TTC17: variants seen among roughly 807,000 people sequenced by gnomAD.
TTC17 encodes tetratricopeptide repeat protein 17.
TTC17 carries 58 observed loss-of-function variants against 143.8 expected under a neutral mutation model. The observed-to-expected ratio is 0.40, with a 90% CI of 0.33 to 0.50. The LOEUF is 0.50. TTC17 is among the 20% of genes least tolerant of loss of function. The pLI is 0.49. For missense variants in TTC17, 1,273 were observed against 1,392.5 expected (o/e 0.91, Z 1.37); for synonymous variants, 501 against 497.8 (o/e 1.01, Z -0.09).
intron 16 of TTC17, among the ~76,000 whole-genome samples, chr11:43,415,487 C>T (rs1251587244): frequency 1.3e-5 from 2 of 152,152 alleles, no homozygotes; most frequent in South Asian, 2.1e-4. Flanking sequence ...AGTTTACATA[C>T]GTGTGGATCC....
intron 17 of TTC17, 21 bp from the exon 18 acceptor site, chr11:43,444,035 T>G: frequency 6.3e-7 from 1 of 1,589,640 alleles, no homozygotes; most frequent in Non-Finnish European, 8.5e-7. Context: ...CATTTGTCCC[T>G]AACATGTTTC....
At chr11:43,469,129 A>T (rs1438581990) in intron 21 of TTC17, among the ~76,000 whole-genome samples, 3 of 152,220 alleles carry the variant, frequency 2.0e-5, no homozygotes, top group Non-Finnish European at 4.4e-5. Flanking sequence ...TACCCAGTGT[A>T]TTAGTCATCT....
At chr11:43,455,485 A>C (rs1004120064) in intron 21 of TTC17, among the ~76,000 whole-genome samples, 7 of 152,088 alleles carry the variant, frequency 4.6e-5, no homozygotes, top group African/African-American at 1.7e-4. Context: ...GGAAAAGGAG[A>C]TTGCCAAAAT....
chr11:43,448,753 T>A (rs1947600311), intron 19 of TTC17: 1 of 152,214 alleles, frequency 6.6e-6, no homozygotes, highest in Non-Finnish European at 1.5e-5. Flanking sequence ...GACCTGTCTG[T>A]CTAGATTGCA....
chr11:43,399,326 A>AT (rs1285845554), intron 8 of TTC17, among the ~76,000 whole-genome samples: 4 of 152,126 alleles, frequency 2.6e-5, no homozygotes, highest in East Asian at 3.8e-4. Flanking sequence ...ATCGTCATGT[A>AT]TTTTTTTATG....
At chr11:43,481,280 C>T (rs968573865) in intron 21 of TTC17, among the ~76,000 whole-genome samples, 1 of 152,114 alleles carries the variant, frequency 6.6e-6, no homozygotes, top group African/African-American at 2.4e-5. Context: ...TCAACATAAA[C>T]ACTCTTCTCC....
Position 43,407,514 on chromosome 11 carries a change from T to C in TTC17, c.2001T>C (p.His667=). 6.2e-7 allele frequency: 1 copy of C among 1,614,054 alleles called. No individual in the cohort carries two copies. The highest frequency in any genetic ancestry group is 8.5e-7 in the Non-Finnish European group (1 of 1,179,966). The change falls in exon 15 of 24, where the codon CAT becomes CAC. Residue 667 remains histidine (H), a synonymous_variant. Transcript: ENST00000039989. ...TCAACTTGGCCAACCTTTTGATTCATTACGGCCTTCATCTTGATGCCACTA... is the reference window on the plus strand; with the variant it reads ...TCAACTTGGCCAACCTTTTGATTCACTACGGCCTTCATCTTGATGCCACTA... ...PLVNLANLLI[H]YGLHLDATKL...
chr11:43,420,385 A>C (rs1469104373), intron 16 of TTC17, among the ~76,000 whole-genome samples: 3 of 152,234 alleles, frequency 2.0e-5, no homozygotes, highest in Admixed American at 6.5e-5. Context: ...GTCATCCCTC[A>C]AAAGAGATGC....
At chr11:43,485,056 T>C (rs1478225844) in intron 21 of TTC17, among the ~76,000 whole-genome samples, 1 of 151,996 alleles carries the variant, frequency 6.6e-6, no homozygotes, top group South Asian at 2.1e-4. Context: ...TTCTACATTA[T>C]GGTGAGTTGT....
At chr11:43,466,279 G>A (rs964801548) in intron 21 of TTC17, 3 of 152,100 alleles carry the variant, frequency 2.0e-5, no homozygotes, top group Non-Finnish European at 2.9e-5. Flanking sequence ...AAATTAATAA[G>A]CATTGGCAAG....
chr11:43,392,723 A>G (rs7112295), intron 5 of TTC17, among the ~76,000 whole-genome samples: 5 of 152,222 alleles, frequency 3.3e-5, no homozygotes, highest in African/African-American at 9.6e-5. Context: ...AAACTTTTAC[A>G]TTCCCAGAAC....
chr11:43,395,187 G>A (rs527710622), intron 5 of TTC17, among the ~76,000 whole-genome samples: 7 of 148,262 alleles, frequency 4.7e-5, no homozygotes, highest in African/African-American at 7.5e-5. Flanking sequence ...TGCAAGCTCC[G>A]TCTCCTGGGT....
chr11:43,388,299 A>T (rs1195710802), intron 2 of TTC17, among the ~76,000 whole-genome samples: 1 of 152,200 alleles, frequency 6.6e-6, no homozygotes, highest in Non-Finnish European at 1.5e-5. Flanking sequence ...TTTAAGTTGT[A>T]GATACATTAA....
intron 17 of TTC17, 134 bp from the exon 18 acceptor site, chr11:43,443,922 G>A (rs531533429): frequency 2.9e-6 from 3 of 1,046,258 alleles, no homozygotes; most frequent in East Asian, 5.0e-5. Context: ...TTTTATTTAG[G>A]TCTTTAAGAA....
intron 21 of TTC17, among the ~76,000 whole-genome samples, chr11:43,486,790 C>T (rs1948389293): frequency 6.6e-6 from 1 of 152,114 alleles, no homozygotes; most frequent in South Asian, 2.1e-4. Flanking sequence ...AATCCTAACA[C>T]TTTGGGAGAC....
At chr11:43,397,642 A>G in intron 7 of TTC17, 151 bp downstream of exon 7, 3 of 938,642 alleles carry the variant, frequency 3.2e-6, no homozygotes, top group Non-Finnish European at 4.7e-6. Flanking sequence ...AATCCTCAAC[A>G]CAGTAATGTA....
intron 1 of TTC17, among the ~76,000 whole-genome samples, chr11:43,377,946 C>T (rs1590323474): frequency 1.3e-5 from 2 of 152,070 alleles, no homozygotes; most frequent in Middle Eastern, 6.8e-3. Flanking sequence ...CTCTGTTGTC[C>T]AGGCTGAAGT....
intron 2 of TTC17, among the ~76,000 whole-genome samples, chr11:43,387,421 G>T (rs1014698764): frequency 6.6e-6 from 1 of 151,358 alleles, no homozygotes; most frequent in African/African-American, 2.4e-5. Context: ...ATGTGGCCAT[G>T]CCTTGAAGTC....
At chr11:43,416,247 G>A (rs1946776571) in intron 16 of TTC17, among the ~76,000 whole-genome samples, 1 of 151,978 alleles carries the variant, frequency 6.6e-6, no homozygotes, top group Admixed American at 6.6e-5. Context: ...CCTAAGAACA[G>A]CCTTATAAAA....
Sources: allele counts gnomAD v4.1 joint callset (sites outside exome capture counted in the v4.1 genomes callset), GRCh38; gene constraint gnomAD v4.1.1; transcripts MANE v1.5; gene names NCBI Gene and HGNC (gene_info 2026-07-23, HGNC 2026-07-21).